SFTPC: variants seen among roughly 807,000 people sequenced by gnomAD.
The protein encoded by SFTPC is BRICHOS domain containing 6.
Under a neutral mutation model 19.9 loss-of-function variants are expected in SFTPC, and 12 were observed. That is an observed-to-expected ratio of 0.60 (90% confidence interval 0.39 to 0.98). The LOEUF is 0.98. SFTPC is among the 50% of genes least tolerant of loss of function. The pLI is 0.00. For synonymous variants in SFTPC, 123 were observed against 103.3 expected, an observed-to-expected ratio of 1.19 and a Z score of -1.16; for missense variants, 219 against 252.2, an observed-to-expected ratio of 0.87 and a Z score of 0.89.
At chr8:22,160,207 G>C (rs1827661256), upstream of SFTPC, among the ~76,000 whole-genome samples, 1 of 152,180 alleles carries the variant, frequency 6.6e-6, no homozygotes. Flanking sequence ...CAACCTTGGG[G>C]CTGAAGGCCC....
intron 1 of SFTPC, 111 bp downstream of exon 1, chr8:22,161,981 A>G (rs929888878): frequency 1.8e-6 from 2 of 1,103,450 alleles, no homozygotes; most frequent in African/African-American, 1.5e-5. Flanking sequence ...CATTCACTCA[A>G]CTAACCTAGG....
upstream of SFTPC, among the ~76,000 whole-genome samples, chr8:22,161,448 G>T (rs76072989): frequency 5.3e-5 from 8 of 152,178 alleles, no homozygotes; most frequent in African/African-American, 9.7e-5. Context: ...CCACCTGAAA[G>T]GTTCAGGGTG....
upstream of SFTPC, among the ~76,000 whole-genome samples, chr8:22,157,998 T>C (rs1827564441): frequency 6.6e-6 from 1 of 151,944 alleles, no homozygotes; most frequent in Non-Finnish European, 1.5e-5. Flanking sequence ...TGTTAAGGGG[T>C]CCTGAAAACA....
chr8:22,159,952 T>C, upstream of SFTPC: 1 of 760,910 alleles, frequency 1.3e-6, no homozygotes, highest in Non-Finnish European at 1.9e-6. Flanking sequence ...GCGAGCTGTC[T>C]CCCACATCTG....
upstream of SFTPC, chr8:22,159,767 CCCCCGAGATGCCCACAGGGA>C: frequency 3.1e-6 from 4 of 1,289,516 alleles, no homozygotes; most frequent in Non-Finnish European, 4.0e-6. Context: ...ACAACATGGC[CCCCCGAGATGCCCACAGGGA>C]CCCCGAGATG....
At chr8:22,163,398 C>A in intron 3 of SFTPC, 38 bp from the exon 4 acceptor site, 1 of 1,573,144 alleles carries the variant, frequency 6.4e-7, no homozygotes, top group Non-Finnish European at 8.7e-7. Flanking sequence ...GAGAGCAGGG[C>A]AGGGACCCCC....
chr8:22,159,612 G>A, upstream of SFTPC: 1 of 425,846 alleles, frequency 2.3e-6, no homozygotes, highest in Non-Finnish European at 4.6e-6. Flanking sequence ...GCTTGTGACA[G>A]CTACAGCCTA....
chr8:22,159,321 G>A (rs575680457), upstream of SFTPC, among the ~76,000 whole-genome samples: 7 of 152,204 alleles, frequency 4.6e-5, no homozygotes, highest in East Asian at 3.9e-4. Flanking sequence ...AAATAAAACC[G>A]GAGAAGTGGA....
upstream of SFTPC, chr8:22,157,784 C>G (rs1162869166): frequency 1.3e-5 from 2 of 152,310 alleles, no homozygotes; most frequent in East Asian, 1.9e-4. Flanking sequence ...CACTTTCTCT[C>G]TAATTTTATT....
chr8:22,163,058 T>A (rs1827822523), intron 2 of SFTPC, 22 bp from the exon 3 acceptor site: 1 of 1,613,620 alleles, frequency 6.2e-7, no homozygotes, highest in Non-Finnish European at 8.5e-7. Context: ...GAAGACCAGG[T>A]GGCTCCATGC....
chr8:22,163,668 C>T (rs1471804547), intron 4 of SFTPC, 122 bp downstream of exon 4: 5 of 814,566 alleles, frequency 6.1e-6, no homozygotes. Context: ...CAGCTGACTG[C>T]CCCTCTCCTA....
Position 22,162,517 on chromosome 8 carries a change from A to G in SFTPC, c.43-57A>G, listed in dbSNP as rs1026335947. The G allele has an allele frequency of 2.1e-5, 34 of 1,592,714 alleles. No homozygotes were observed. The African/African-American group carries it at 4.4e-4, about 21-fold the overall frequency. ...GAGGGTGTTCAGCTTGTATAGGGAGAAGAGGGGACAGCCTCATGACCTCAT... is the reference window on the plus strand; with the variant it reads ...GAGGGTGTTCAGCTTGTATAGGGAGGAGAGGGGACAGCCTCATGACCTCAT... On this transcript the variant is annotated intron_variant, in intron 1 of 5. Transcript: ENST00000679463.
chr8:22,159,427 A>G (rs1827626776), upstream of SFTPC: 2 of 278,432 alleles, frequency 7.2e-6, no homozygotes, highest in Non-Finnish European at 1.4e-5. Flanking sequence ...GGGGAGGGGG[A>G]AATTTGGCAC....
chr8:22,162,845 C>T, intron 2 of SFTPC, 113 bp downstream of exon 2: 2 of 1,448,840 alleles, frequency 1.4e-6, no homozygotes, highest in Non-Finnish European at 1.9e-6. Flanking sequence ...AGGCAAGGGG[C>T]ACAGCTAGAA....
upstream of SFTPC, chr8:22,161,729 G>T (rs74639360): frequency 6.2e-7 from 1 of 1,611,824 alleles, no homozygotes; most frequent in Non-Finnish European, 8.5e-7. Context: ...GCACACAGGG[G>T]GCTTGGTCCT....
rs778672867 is a variant in SFTPC at position 22,162,596 on chromosome 8, G to A, written c.65G>A (p.Gly22Asp). 1 of 1,614,012 alleles carries A rather than the reference G, an allele frequency of 6.2e-7. No individual in the cohort carries two copies. Among genetic ancestry groups the A allele is most frequent in the East Asian group, 2.2e-5 (1 of 44,888 alleles). The change falls in exon 2 of 6, where the codon GGC becomes GAC. Residue 22 changes from glycine (G) to aspartate (D), a missense_variant. Physicochemically the swap from Gly to Asp is moderately conservative, Grantham distance 94 (BLOSUM62 -1). Transcript: ENST00000679463. ...SPPDYSAAPR[G>D]RFGIPCCPVH... ...CAGGACTACTCCGCAGCTCCCCGGGGCCGATTTGGCATTCCCTGCTGCCCA... is the reference window on the plus strand; with the variant it reads ...CAGGACTACTCCGCAGCTCCCCGGGACCGATTTGGCATTCCCTGCTGCCCA...
intron 1 of SFTPC, 100 bp from the exon 2 acceptor site, chr8:22,162,473 CA>C: frequency 7.4e-7 from 1 of 1,342,392 alleles, no homozygotes; most frequent in Middle Eastern, 2.5e-4. Flanking sequence ...ATCGGCTGTC[CA>C]GCCCTAGGCA....
chr8:22,159,455 T>C (rs1827628947), upstream of SFTPC: 2 of 319,960 alleles, frequency 6.3e-6, no homozygotes, highest in South Asian at 2.3e-5. Flanking sequence ...TAAAGGTCCT[T>C]CTGTGTCTCC....
In SFTPC at chr8:22,163,322, C is replaced by A. The variant is rs1352070260; in HGVS notation, c.325-114C>A. 15 of 1,534,110 alleles carry A rather than the reference C, an allele frequency of 9.8e-6. No individual in the cohort carries two copies. The Admixed American group carries it at 2.4e-4, about 24-fold the overall frequency. ...CTCCTCCAGACCTTTTTTGCCTGAG[C>A]CCCAGATTCTAGTATGACTCCCGTG... is the stretch of plus-strand genomic sequence containing the variant. On this transcript the variant is annotated intron_variant, in intron 3 of 5. Coordinates refer to ENST00000679463, the MANE Select transcript of SFTPC (RefSeq NM_001317778.2).
Sources: gnomAD v4.1 joint callset for allele counts (sites outside exome capture counted in the v4.1 genomes callset) on GRCh38, gnomAD v4.1.1 for gene constraint, MANE v1.5 for transcripts, NCBI Gene and HGNC (gene_info 2026-07-23, HGNC 2026-07-21) for gene names.